The following VSX2 variants were observed in gnomAD, a reference collection of about 807,000 sequenced individuals.
VSX2 encodes ceh-10 homeo domain containing homolog.
VSX2 carries 28 observed loss-of-function variants against 32.1 expected under a neutral mutation model. The ratio of observed to expected loss-of-function variants is 0.87; its 90% CI spans 0.65 to 1.20. The LOEUF (loss-of-function observed/expected upper bound fraction) is 1.20. Among genes scored for constraint, VSX2 ranks in the 50% most tolerant of loss-of-function variants. The pLI is 0.00. For synonymous variants in VSX2, 243 were observed against 214.1 expected, an observed-to-expected ratio of 1.14 and a Z score of -1.18; for missense variants, 506 against 488.7, an observed-to-expected ratio of 1.04 and a Z score of -0.33.
chr14:74,260,852 A>T lies in VSX2; in HGVS notation c.1019A>T (p.Glu340Val). Residue 340 changes from glutamate (E) to valine (V), a missense_variant, in exon 5 of 5, where the codon GAG (glutamate) becomes GTG (valine). Glu to Val is a moderately radical substitution (Grantham distance 121). Coordinates refer to ENST00000261980, the MANE Select transcript of VSX2 (RefSeq NM_182894.3). ...LARSTEKPEE[E>V]EAMDEDRPAE... ...CGGAGTACCGAGAAGCCAGAGGAGG[A>T]GGAGGCCATGGATGAAGACAGGCCG... 1 of 1,567,786 alleles carries T rather than the reference A, an allele frequency of 6.4e-7. No individual in the cohort carries two copies. The highest frequency in any genetic ancestry group is 8.6e-7 in the Non-Finnish European group (1 of 1,156,474).
chr14:74,259,357 A>C (rs2139645654), intron 3 of VSX2, among the ~76,000 whole-genome samples: 1 of 152,166 alleles, frequency 6.6e-6, no homozygotes, highest in East Asian at 1.9e-4. Context: ...CGCACCTGCA[A>C]GACCCTGTCC....
chr14:74,241,111 G>A, intron 1 of VSX2, 71 bp from the exon 2 acceptor site: 1 of 1,525,146 alleles, frequency 6.6e-7, no homozygotes, highest in Non-Finnish European at 9.0e-7. Flanking sequence ...CCGGGGTGGG[G>A]CCCTCGCGGG....
At chr14:74,244,909 T>TGAGAGAGAAAGAGAGAGAGAAA in intron 2 of VSX2, among the ~76,000 whole-genome samples, 1 of 108,616 alleles carries the variant, frequency 9.2e-6, no homozygotes, top group East Asian at 4.2e-4. Context: ...TGTGTGTGTG[T>TGAGAGAGAAAGAGAGAGAGAAA]GTGTGTGTGT....
Position 74,262,201 on chromosome 14 carries a change from C to G in VSX2, c.*1282C>G, listed in dbSNP as rs891611581. The stretch of plus-strand genomic sequence containing the variant: ...TCATGCCAGTGCATGCCAGGAAGCA[C>G]GTTCACTAGACTAAAACACGGTAAC... On this transcript the variant is annotated 3_prime_UTR_variant, in exon 5 of 5. Transcript: ENST00000261980. 2.0e-5 allele frequency: 3 copies of G among 152,322 alleles called. No individual in the cohort carries two copies. The highest frequency in any genetic ancestry group is 6.3e-3 in the Middle Eastern group (2 of 316). The allele number at this position is 152,322 out of a possible 1,614,324, so 9.4% of individuals were successfully genotyped here.
At chr14:74,245,416 G>A (rs2079186211) in intron 3 of VSX2, 128 bp downstream of exon 3, 3 of 1,331,992 alleles carry the variant, frequency 2.3e-6, no homozygotes, top group Non-Finnish European at 3.1e-6. Context: ...CTATGATCAT[G>A]TTCTCAGCCT....
chr14:74,241,050 C>G, intron 1 of VSX2, 132 bp from the exon 2 acceptor site: 1 of 895,852 alleles, frequency 1.1e-6, no homozygotes, highest in Non-Finnish European at 1.8e-6. Flanking sequence ...CCGGGGCGCC[C>G]GCAGGCTTCC....
intron 3 of VSX2, among the ~76,000 whole-genome samples, chr14:74,256,472 T>C (rs553203051): frequency 6.6e-6 from 1 of 152,036 alleles, no homozygotes; most frequent in South Asian, 2.1e-4. Context: ...CTGCAATAAG[T>C]TTTTGCACCA....
intron 1 of VSX2, among the ~76,000 whole-genome samples, chr14:74,240,263 C>A (rs2079140557): frequency 6.6e-6 from 1 of 152,172 alleles, no homozygotes; most frequent in African/African-American, 2.4e-5. Context: ...CCGGCCGTGT[C>A]GGAGGGCCCC....
intron 1 of VSX2, among the ~76,000 whole-genome samples, chr14:74,240,300 G>A (rs2079140752): frequency 6.6e-6 from 1 of 152,178 alleles, no homozygotes; most frequent in Non-Finnish European, 1.5e-5. Context: ...TGCGGCCCCG[G>A]CCTGGTGTAG....
At chr14:74,240,851 G>A (rs2079145272) in intron 1 of VSX2, among the ~76,000 whole-genome samples, 1 of 152,188 alleles carries the variant, frequency 6.6e-6, no homozygotes. Flanking sequence ...GCCGCGCAGG[G>A]CAGGGCGCAG....
rs1399722628 is a variant in VSX2 at position 74,261,976 on chromosome 14, G to A, written c.*1057G>A. The A allele has an allele frequency of 6.6e-6, 1 of 151,706 alleles. No individual in the cohort carries two copies. Among genetic ancestry groups the A allele is most frequent in the African/African-American group, 2.4e-5 (1 of 40,920 alleles). 9.4% of individuals were successfully genotyped at this position (151,706 alleles called of 1,614,324 possible). Reference sequence around the variant, plus strand: ...CCTCAACTGAGAAGCCAAGCCTGGAGTAGGCCTGGGGCTATGCATACGCAT... The same window carrying A: ...CCTCAACTGAGAAGCCAAGCCTGGAATAGGCCTGGGGCTATGCATACGCAT... On this transcript the variant is annotated 3_prime_UTR_variant, in exon 5 of 5. Coordinates refer to ENST00000261980, the MANE Select transcript of VSX2 (RefSeq NM_182894.3).
intron 2 of VSX2, among the ~76,000 whole-genome samples, 174 bp downstream of exon 2, chr14:74,241,440 C>A (rs1390831535): frequency 6.6e-6 from 1 of 152,254 alleles, no homozygotes; most frequent in African/African-American, 2.4e-5. Flanking sequence ...GCCTTGGCGT[C>A]GGCACCGGTT....
At chr14:74,243,291 C>A (rs2079163094) in intron 2 of VSX2, among the ~76,000 whole-genome samples, 1 of 152,150 alleles carries the variant, frequency 6.6e-6, no homozygotes, top group Non-Finnish European at 1.5e-5. Flanking sequence ...TTTCTCTCTA[C>A]TGGGAAAGCT....
intron 3 of VSX2, among the ~76,000 whole-genome samples, chr14:74,259,100 T>G (rs1026324376): frequency 6.6e-6 from 1 of 152,160 alleles, no homozygotes; most frequent in Non-Finnish European, 1.5e-5. Flanking sequence ...CCCCTAAGAC[T>G]GTCCCCTGCC....
chr14:74,246,508 A>G (rs969308976), intron 3 of VSX2, among the ~76,000 whole-genome samples: 2 of 152,186 alleles, frequency 1.3e-5, no homozygotes, highest in Non-Finnish European at 2.9e-5. Flanking sequence ...TCATAAGCAG[A>G]TTATGTTTGG....
chr14:74,254,389 CGACA>C (rs112710135), intron 3 of VSX2, among the ~76,000 whole-genome samples: 3,216 of 151,396 alleles, frequency 0.021, 120 homozygotes, highest in African/African-American at 0.072. Flanking sequence ...CCAGCCTGGG[CGACA>C]GACAGAGCGA....
At chr14:74,255,984 C>T (rs995629518) in intron 3 of VSX2, among the ~76,000 whole-genome samples, 10 of 152,204 alleles carry the variant, frequency 6.6e-5, no homozygotes, top group Admixed American at 1.3e-4. Flanking sequence ...GGTGCTGCTG[C>T]TGCAGGACAT....
intron 3 of VSX2, 144 bp downstream of exon 3, chr14:74,245,432 A>AATAG: frequency 3.4e-6 from 4 of 1,177,702 alleles, no homozygotes; most frequent in Non-Finnish European, 4.8e-6. Context: ...AGCCTATTTA[A>AATAG]GCTGAACACC....
At chr14:74,253,243 C>A (rs138002536) in intron 3 of VSX2, among the ~76,000 whole-genome samples, 50 of 152,128 alleles carry the variant, frequency 3.3e-4, no homozygotes, top group African/African-American at 1.2e-3. Context: ...GACGCAGGGT[C>A]TTCTGAAGAG....
Sources: allele counts gnomAD v4.1 joint callset (sites outside exome capture counted in the v4.1 genomes callset), GRCh38; gene constraint gnomAD v4.1.1; transcripts MANE v1.5; gene names NCBI Gene and HGNC (gene_info 2026-07-23, HGNC 2026-07-21).